STK3: variants seen among roughly 807,000 people sequenced by gnomAD.
The protein encoded by STK3 is serine/threonine kinase 3.
A neutral mutation model predicts 58.0 loss-of-function variants in STK3; 41 were observed. That is an observed-to-expected ratio of 0.71 (90% CI 0.55 to 0.92). The LOEUF is 0.92. Ranked by LOEUF, STK3 falls within the 40% of genes least tolerant of loss-of-function variation. The pLI, the probability that STK3 is intolerant of heterozygous loss-of-function variation, is 0.00. For missense variants in STK3, 479 were observed against 602.7 expected, an observed-to-expected ratio of 0.79 and a Z score of 2.15; for synonymous variants, 170 against 191.0, an observed-to-expected ratio of 0.89 and a Z score of 0.91.
intron 4 of STK3, among the ~76,000 whole-genome samples, chr8:98,738,834 T>C (rs543800767): frequency 2.0e-5 from 3 of 152,352 alleles, no homozygotes; most frequent in Admixed American, 1.3e-4. Flanking sequence ...TTCCCTTTCC[T>C]AGTCAAAGAA....
chr8:98,404,842 C>A (rs529949522), intron 3 of STK3, among the ~76,000 whole-genome samples: 11 of 152,162 alleles, frequency 7.2e-5, no homozygotes, highest in African/African-American at 2.6e-4. Context: ...CAGAGTGAGA[C>A]CTTGTCTCAA....
intron 4 of STK3, among the ~76,000 whole-genome samples, chr8:98,718,276 A>G (rs1301695363): frequency 2.0e-5 from 3 of 152,176 alleles, no homozygotes; most frequent in African/African-American, 7.2e-5. Context: ...TTCAAGAAAA[A>G]GCTCACCATA....
At chr8:98,550,537 C>T (rs755911244) in intron 8 of STK3, among the ~76,000 whole-genome samples, 6 of 152,132 alleles carry the variant, frequency 3.9e-5, no homozygotes, top group Admixed American at 6.6e-5. Context: ...TGTCTTCTTA[C>T]ATTTATTTTC....
At chr8:98,887,792 A>C (rs569933967) in intron 1 of STK3, among the ~76,000 whole-genome samples, 51 of 152,308 alleles carry the variant, frequency 3.3e-4, no homozygotes, top group African/African-American at 1.2e-3. Flanking sequence ...GGATGACTCC[A>C]TTCTGGACAA....
At chr8:98,910,864 C>G (rs1283715772) in intron 1 of STK3, among the ~76,000 whole-genome samples, 1 of 152,212 alleles carries the variant, frequency 6.6e-6, no homozygotes, top group African/African-American at 2.4e-5. Context: ...CAAGAGAAAA[C>G]TGACTGGGCA....
chr8:98,824,748 G>A (rs1430454003), intron 1 of STK3, among the ~76,000 whole-genome samples: 1 of 152,164 alleles, frequency 6.6e-6, no homozygotes, highest in African/African-American at 2.4e-5. Flanking sequence ...AAGATCTCTA[G>A]CTGTCAAAGC....
chr8:98,739,162 A>G (rs559819215), intron 4 of STK3, among the ~76,000 whole-genome samples: 6 of 152,382 alleles, frequency 3.9e-5, no homozygotes, highest in Non-Finnish European at 8.8e-5. Context: ...CTCTGGGGGC[A>G]GGGCACAGAC....
At chr8:98,693,573 C>G (rs1331270290) in intron 6 of STK3, among the ~76,000 whole-genome samples, 1 of 152,016 alleles carries the variant, frequency 6.6e-6, no homozygotes, top group Non-Finnish European at 1.5e-5. Context: ...GAGTACAGTC[C>G]TGCCAACACT....
intron 1 of STK3, among the ~76,000 whole-genome samples, chr8:98,911,666 T>C (rs1839140630): frequency 6.6e-6 from 1 of 152,156 alleles, no homozygotes; most frequent in Admixed American, 6.5e-5. Context: ...AGTGCTGGGA[T>C]TAGCATGAGC....
chr8:98,938,078 G>A (rs1840259265), intron 1 of STK3, among the ~76,000 whole-genome samples: 3 of 152,062 alleles, frequency 2.0e-5, no homozygotes, highest in Admixed American at 1.3e-4. Flanking sequence ...TATGACTATG[G>A]TCAGTATGAA....
intron 8 of STK3, among the ~76,000 whole-genome samples, chr8:98,569,702 TAC>T (rs200537321): frequency 0.021 from 3,246 of 152,164 alleles, 47 homozygotes; most frequent in Admixed American, 0.038. Context: ...GAACAGTATT[TAC>T]ACAGTTATAA....
At chr8:98,706,384 A>G (rs1477610955) in intron 6 of STK3, 83 bp downstream of exon 6, 4 of 1,326,624 alleles carry the variant, frequency 3.0e-6, no homozygotes, top group Middle Eastern at 1.9e-4. Flanking sequence ...GAACTTATTT[A>G]GTTTATATTT....
chr8:98,447,405 C>G (rs775478788), intron 1 of STK3, among the ~76,000 whole-genome samples: 45 of 151,846 alleles, frequency 3.0e-4, no homozygotes, highest in Non-Finnish European at 5.4e-4. Context: ...ACCTCAAGAA[C>G]TAAGGAAATG....
At chr8:98,617,522 G>C (rs1012129957) in intron 6 of STK3, among the ~76,000 whole-genome samples, 1 of 150,052 alleles carries the variant, frequency 6.7e-6, no homozygotes, top group Non-Finnish European at 1.5e-5. Context: ...ATGAATCCAG[G>C]AGCTGGTTTT....
At chr8:98,787,167 C>CAAAAAA (rs35568354) in intron 1 of STK3, among the ~76,000 whole-genome samples, 2 of 22,690 alleles carry the variant, frequency 8.8e-5, no homozygotes, top group Non-Finnish European at 7.3e-5. Flanking sequence ...GACTCCACCT[C>CAAAAAA]AAAAAAAAAA....
chr8:98,733,642 ATTG>A (rs1828366276), intron 4 of STK3, among the ~76,000 whole-genome samples: 1 of 152,142 alleles, frequency 6.6e-6, no homozygotes, highest in African/African-American at 2.4e-5. Flanking sequence ...CTTTTTCTAA[ATTG>A]TTAGGCTATG....
At position 98,428,307 on chromosome 8, in the gene STK3, A is replaced by G; in HGVS notation, n.483+5820T>C. 6.2e-7 allele frequency: 1 copy of G among 1,614,156 alleles called. No homozygotes were observed. The highest frequency in any genetic ancestry group is 8.5e-7 in the Non-Finnish European group (1 of 1,180,022). On this transcript the variant is annotated intron_variant and non_coding_transcript_variant, in intron 3 of 3. Transcript: ENST00000517832. This position sits in a 1 kb window ranked among gnomAD's most constrained non-coding sequence, Gnocchi z 6.7. ...CAGCCAGGAGATCGAGTACTGGGGCATCAACGAGTTCTTCATTGACTCCTG... is the reference window on the plus strand; with the variant it reads ...CAGCCAGGAGATCGAGTACTGGGGCGTCAACGAGTTCTTCATTGACTCCTG...
At position 98,668,016 on chromosome 8, in the gene STK3, T is replaced by C. The variant is rs1365882370; in HGVS notation, c.684+38451A>G. On this transcript the variant is annotated intron_variant, in intron 6 of 10. Transcript: ENST00000419617. ...AGTATTAGACACTTTCTCAGTTGTT[T>C]AATACAGTTTCAGTGACAAAATACA... Among the ~76,000 whole-genome samples, 6 of 152,242 alleles carry C rather than the reference T, an allele frequency of 3.9e-5. No homozygotes were observed. In the South Asian group the frequency reaches 1.0e-3, roughly 26 times the overall value.
intron 4 of STK3, among the ~76,000 whole-genome samples, chr8:98,719,284 ATTTAG>A (rs1221400716): frequency 2.0e-5 from 3 of 152,172 alleles, no homozygotes; most frequent in African/African-American, 7.2e-5. Context: ...ATTGTGTCTT[ATTTAG>A]TTACTTCAGT....
Sources: gnomAD v4.1 joint callset for allele counts (sites outside exome capture counted in the v4.1 genomes callset) on GRCh38, gnomAD v4.1.1 for gene constraint, Gnocchi (gnomAD v3.1) non-coding constraint, MANE v1.5 for transcripts, NCBI Gene and HGNC (gene_info 2026-07-23, HGNC 2026-07-21) for gene names.